FGF12: variants seen among roughly 807,000 people sequenced by gnomAD.
FGF12 encodes fibroblast growth factor 12.
In FGF12, 14 loss-of-function variants were observed where a neutral mutation model predicts 23.6. That is an observed-to-expected ratio of 0.59 (90% CI 0.39 to 0.93). FGF12 has a LOEUF of 0.93. Ranked by LOEUF, FGF12 falls within the 40% of genes least tolerant of loss-of-function variation. FGF12 has a pLI of 0.00. For synonymous variants in FGF12, 62 were observed against 77.3 expected, an observed-to-expected ratio of 0.80 and a Z score of 1.04; for missense variants, 175 against 217.8, an observed-to-expected ratio of 0.80 and a Z score of 1.24.
intron 2 of FGF12, among the ~76,000 whole-genome samples, chr3:192,592,259 T>G (rs1713656724): frequency 6.6e-6 from 1 of 151,918 alleles, no homozygotes; most frequent in Non-Finnish European, 1.5e-5. Flanking sequence ...TAAACCCTCC[T>G]TTTTGGGAGA....
intron 2 of FGF12, among the ~76,000 whole-genome samples, chr3:192,647,716 T>TACAC: frequency 6.9e-6 from 1 of 145,300 alleles, no homozygotes; most frequent in Middle Eastern, 3.6e-3. Context: ...TATATACATA[T>TACAC]ATATATACAC....
intron 2 of FGF12, among the ~76,000 whole-genome samples, chr3:192,504,586 A>G (rs1011681346): frequency 3.9e-5 from 6 of 152,146 alleles, no homozygotes; most frequent in Non-Finnish European, 4.4e-5. Flanking sequence ...CGTGAAGTGT[A>G]GCCTGTTGTT....
intron 4 of FGF12, among the ~76,000 whole-genome samples, chr3:192,185,366 A>C (rs1045747742): frequency 6.6e-6 from 1 of 152,220 alleles, no homozygotes; most frequent in Non-Finnish European, 1.5e-5. Flanking sequence ...AAATGAGCTA[A>C]TGAATGGAGG....
At chr3:192,528,699 T>C (rs1333528854) in intron 2 of FGF12, among the ~76,000 whole-genome samples, 1 of 152,182 alleles carries the variant, frequency 6.6e-6, no homozygotes, top group Non-Finnish European at 1.5e-5. Context: ...TTTCCTTACA[T>C]CCTCTGAAAT....
At chr3:192,495,470 A>G (rs895565547) in intron 2 of FGF12, among the ~76,000 whole-genome samples, 3 of 152,078 alleles carry the variant, frequency 2.0e-5, no homozygotes, top group African/African-American at 7.2e-5. Flanking sequence ...AACCTATATT[A>G]TATATGTGTG....
chr3:192,372,850 G>A (rs1285232153), intron 2 of FGF12, among the ~76,000 whole-genome samples: 1 of 152,116 alleles, frequency 6.6e-6, no homozygotes, highest in Non-Finnish European at 1.5e-5. Context: ...TGCACCATCT[G>A]GCTCCTGCCC....
At chr3:192,293,884 T>C (rs1714892839) in intron 4 of FGF12, among the ~76,000 whole-genome samples, 1 of 152,144 alleles carries the variant, frequency 6.6e-6, no homozygotes, top group South Asian at 2.1e-4. Context: ...ATTTAGTGTC[T>C]GGTAAGTGCT....
intron 2 of FGF12, among the ~76,000 whole-genome samples, chr3:192,537,609 T>C (rs1176890653): frequency 6.6e-6 from 1 of 152,238 alleles, no homozygotes; most frequent in Non-Finnish European, 1.5e-5. Context: ...GAAATGTCTA[T>C]TCAGATATTC....
At chr3:192,477,079 C>A (rs753858529) in intron 2 of FGF12, among the ~76,000 whole-genome samples, 6 of 152,260 alleles carry the variant, frequency 3.9e-5, no homozygotes, top group East Asian at 1.9e-4. Flanking sequence ...CAGAGCTGTA[C>A]TAGCTTAACG....
intron 2 of FGF12, among the ~76,000 whole-genome samples, chr3:192,632,093 C>A (rs1715410408): frequency 6.6e-6 from 1 of 152,166 alleles, no homozygotes; most frequent in African/African-American, 2.4e-5. Context: ...AGCTAAATAG[C>A]TTTACACATG....
chr3:192,649,751 G>A (rs1357053041), intron 2 of FGF12, among the ~76,000 whole-genome samples: 1 of 151,238 alleles, frequency 6.6e-6, no homozygotes, highest in African/African-American at 2.4e-5. Flanking sequence ...TGTGGAGATG[G>A]GGTTTTGCCA....
At chr3:192,358,854 C>T (rs2108730827) in intron 3 of FGF12, among the ~76,000 whole-genome samples, 1 of 152,162 alleles carries the variant, frequency 6.6e-6, no homozygotes, top group Non-Finnish European at 1.5e-5. Context: ...ATGGACGATG[C>T]TGACAGGGAT....
intron 2 of FGF12, among the ~76,000 whole-genome samples, chr3:192,597,865 G>C (rs1374352928): frequency 6.6e-6 from 1 of 152,226 alleles, no homozygotes; most frequent in Non-Finnish European, 1.5e-5. Context: ...TGACAATCTG[G>C]CATTTTGATG....
At chr3:192,290,981 T>C (rs1032723774) in intron 4 of FGF12, among the ~76,000 whole-genome samples, 1 of 152,202 alleles carries the variant, frequency 6.6e-6, no homozygotes, top group African/African-American at 2.4e-5. Flanking sequence ...GTGTGTATTT[T>C]TCACCTCTAT....
At chr3:192,183,614 T>C (rs1162452592) in intron 4 of FGF12, among the ~76,000 whole-genome samples, 2 of 152,224 alleles carry the variant, frequency 1.3e-5, no homozygotes, top group Admixed American at 6.5e-5. Flanking sequence ...TACTACCATT[T>C]GGACAAAGAG....
At chr3:192,184,009 C>A (rs1716321023) in intron 4 of FGF12, among the ~76,000 whole-genome samples, 1 of 152,088 alleles carries the variant, frequency 6.6e-6, no homozygotes, top group South Asian at 2.1e-4. Flanking sequence ...GATCACTTAA[C>A]CCCAGGAGTC....
At chr3:192,641,474 G>A (rs1715803769) in intron 2 of FGF12, among the ~76,000 whole-genome samples, 1 of 146,540 alleles carries the variant, frequency 6.8e-6, no homozygotes, top group Admixed American at 7.0e-5. Flanking sequence ...GTGCAATCTC[G>A]GCTCATCACA....
At chr3:192,621,572 G>A (rs1442200356) in intron 2 of FGF12, among the ~76,000 whole-genome samples, 1 of 151,200 alleles carries the variant, frequency 6.6e-6, no homozygotes, top group Non-Finnish European at 1.5e-5. Flanking sequence ...ACGACTCGTG[G>A]AGCATAGTGC....
chr3:192,291,178 C>T (rs937351025), intron 4 of FGF12, among the ~76,000 whole-genome samples: 9 of 152,174 alleles, frequency 5.9e-5, no homozygotes, highest in South Asian at 2.1e-4. Flanking sequence ...TTCTTGTATA[C>T]GAAGAACATC....
Sources: allele counts gnomAD v4.1 joint callset (sites outside exome capture counted in the v4.1 genomes callset), GRCh38; gene constraint gnomAD v4.1.1; transcripts MANE v1.5; gene names NCBI Gene and HGNC (gene_info 2026-07-23, HGNC 2026-07-21).